The following NAA35 variants were observed in gnomAD, a reference collection of about 807,000 sequenced individuals.
NAA35 encodes MAK10 homolog, amino-acid N-acetyltransferase subunit.
NAA35 carries 18 observed loss-of-function variants against 101.7 expected under a neutral mutation model. The observed-to-expected ratio is 0.18, with a 90% confidence interval of 0.12 to 0.26. The LOEUF (loss-of-function observed/expected upper bound fraction) is 0.26, where lower values mean the gene tolerates loss of function less well. Among genes scored for constraint, NAA35 ranks in the 10% least tolerant of loss-of-function variants. The probability of loss-of-function intolerance (pLI) is 1.00; values close to 1 mark genes in which losing one functional copy is unlikely to be tolerated. For missense variants in NAA35, 601 were observed against 886.8 expected, an observed-to-expected ratio of 0.68 and a Z score of 4.09; for synonymous variants, 267 against 273.1, an observed-to-expected ratio of 0.98 and a Z score of 0.22.
chr9:86,010,567 G>T (rs927187444), intron 15 of NAA35, among the ~76,000 whole-genome samples: 2 of 136,866 alleles, frequency 1.5e-5, no homozygotes, highest in African/African-American at 2.9e-5. Flanking sequence ...TTTAACCTTA[G>T]AATTTTTTTT....
chr9:85,971,078 A>G (rs987680695), intron 6 of NAA35, among the ~76,000 whole-genome samples: 3 of 152,236 alleles, frequency 2.0e-5, no homozygotes, highest in African/African-American at 4.8e-5. Context: ...GCATGTAAAC[A>G]TGCTTTACAT....
chr9:86,016,033 ATC>A (rs1431206619), intron 17 of NAA35, among the ~76,000 whole-genome samples: 1 of 151,792 alleles, frequency 6.6e-6, no homozygotes, highest in African/African-American at 2.4e-5. Flanking sequence ...ATATATATAT[ATC>A]TCGTAGATTT....
chr9:85,950,681 C>G (rs1156791903), intron 2 of NAA35, among the ~76,000 whole-genome samples: 1 of 152,016 alleles, frequency 6.6e-6, no homozygotes, highest in East Asian at 1.9e-4. Flanking sequence ...TATTTGGTAC[C>G]CACATTTACC....
In NAA35 at chr9:85,997,677, T is replaced by C. The variant is rs1379729027; in HGVS notation, c.1056+1100T>C. 4.6e-5 allele frequency among the ~76,000 whole-genome samples: 7 copies of C among 152,160 alleles called. No individual in the cohort carries two copies. The East Asian group carries it at 1.4e-3, about 30-fold the overall frequency. On this transcript the variant is annotated intron_variant, in intron 12 of 22. Transcript: ENST00000361671. The stretch of plus-strand genomic sequence containing the variant: ...ATTTTTATTTATTGTGGAGACAAGG[T>C]CTCACCATGCTGGCCAGGCTGCTCT...
At chr9:85,977,763 G>A (rs1477295096) in intron 10 of NAA35, among the ~76,000 whole-genome samples, 1 of 152,138 alleles carries the variant, frequency 6.6e-6, no homozygotes. Flanking sequence ...ATAATTAACT[G>A]TTGGGTTTGT....
In NAA35 at chr9:85,941,988, G is replaced by T. The variant is rs577010036; in HGVS notation, c.-5-167G>T. ...AGGAGTGTTAATTGACGTGCGATTT[G>T]ATTGCATTAAGGTTATTCTTTGCAG... On this transcript the variant is annotated intron_variant, in intron 1 of 22. Coordinates refer to ENST00000361671, the MANE Select transcript of NAA35 (RefSeq NM_024635.4). 8.2e-5 allele frequency: 101 copies of T among 1,237,204 alleles called. 1 individual carries two copies. In the African/African-American group the frequency reaches 1.5e-3, roughly 18 times the overall value. 76.6% of individuals were successfully genotyped at this position (1,237,204 alleles called of 1,614,324 possible).
chr9:85,956,786 A>G (rs1345683548), intron 3 of NAA35, among the ~76,000 whole-genome samples: 1 of 152,220 alleles, frequency 6.6e-6, no homozygotes, highest in African/African-American at 2.4e-5. Flanking sequence ...TTGTAGCTGA[A>G]TACCTGAGAC....
chr9:86,001,012 T>C (rs1004438293), intron 12 of NAA35, among the ~76,000 whole-genome samples: 1 of 152,158 alleles, frequency 6.6e-6, no homozygotes, highest in African/African-American at 2.4e-5. Context: ...AACTTTTTGA[T>C]GTGGGCATTA....
Position 86,022,124 on chromosome 9 carries a change from G to T in NAA35, c.*164G>T, listed in dbSNP as rs985205987. The T allele has an allele frequency of 1.8e-6, 1 of 559,216 alleles. No homozygotes were observed. The highest frequency in any genetic ancestry group is 3.0e-5 in the East Asian group (1 of 33,214). The allele number at this position is 559,216 out of a possible 1,614,324, so 34.6% of individuals were successfully genotyped here. ...TTTGACAGCCTTATATGACATGAAT[G>T]AAAACTGCTGTTTTAAAGTGGTTTA... is the stretch of plus-strand genomic sequence containing the variant. On this transcript the variant is annotated 3_prime_UTR_variant, in exon 23 of 23. Transcript: ENST00000361671.
At chr9:86,015,571 G>T in intron 17 of NAA35, 2 of 281,672 alleles carry the variant, frequency 7.1e-6, no homozygotes, top group Non-Finnish European at 1.1e-5. Context: ...GGGTGAGACC[G>T]AATAATTTGC....
At chr9:85,976,385 C>T (rs1040898191) in intron 8 of NAA35, among the ~76,000 whole-genome samples, 1 of 152,050 alleles carries the variant, frequency 6.6e-6, no homozygotes, top group African/African-American at 2.4e-5. Flanking sequence ...ATTAATATCT[C>T]CTTTTAAAGG....
chr9:85,952,116 C>T (rs1829044590), intron 2 of NAA35, among the ~76,000 whole-genome samples: 1 of 152,120 alleles, frequency 6.6e-6, no homozygotes, highest in Non-Finnish European at 1.5e-5. Flanking sequence ...TGCTTGAAAG[C>T]TCAAATTTTA....
intron 2 of NAA35, among the ~76,000 whole-genome samples, chr9:85,953,150 C>T (rs910063606): frequency 1.3e-5 from 2 of 151,504 alleles, no homozygotes. Flanking sequence ...GAGGTCAAGG[C>T]TGCAATGAGC....
At chr9:85,993,669 C>A (rs976550802) in intron 11 of NAA35, among the ~76,000 whole-genome samples, 1 of 152,054 alleles carries the variant, frequency 6.6e-6, no homozygotes, top group African/African-American at 2.4e-5. Context: ...AATTGCGCCT[C>A]AATAAAATTA....
chr9:85,961,431 A>G (rs1829510601), intron 5 of NAA35, among the ~76,000 whole-genome samples: 1 of 152,246 alleles, frequency 6.6e-6, no homozygotes, highest in Non-Finnish European at 1.5e-5. Context: ...GAGACACAGT[A>G]CTTACCCAAT....
intron 4 of NAA35, among the ~76,000 whole-genome samples, chr9:85,959,336 A>G (rs183122692): frequency 8.5e-4 from 128 of 149,816 alleles, no homozygotes; most frequent in African/African-American, 2.3e-3. Flanking sequence ...AGATCACGCC[A>G]CCTGCACTCC....
At position 86,025,234 on chromosome 9, in the gene NAA35, G is replaced by A. The variant is rs976270266; in HGVS notation, c.*3274G>A. On this transcript the variant is annotated 3_prime_UTR_variant, in exon 23 of 23. Coordinates refer to ENST00000361671, the MANE Select transcript of NAA35 (RefSeq NM_024635.4). ...ATAAGCAGAATGAGGGCCATATGCCGCTCAGAGGCCATTAAGAGAAGGACT... is the reference window on the plus strand; with the variant it reads ...ATAAGCAGAATGAGGGCCATATGCCACTCAGAGGCCATTAAGAGAAGGACT... Among the ~76,000 whole-genome samples, 8 of 152,112 alleles carry A rather than the reference G, an allele frequency of 5.3e-5. No homozygotes were observed. The highest frequency in any genetic ancestry group is 1.9e-4 in the East Asian group (1 of 5,162).
intron 9 of NAA35, 28 bp downstream of exon 9, chr9:85,976,763 A>G (rs1471372708): frequency 2.7e-6 from 4 of 1,507,118 alleles, no homozygotes; most frequent in Non-Finnish European, 3.6e-6. Flanking sequence ...CTGGTAGATA[A>G]TATCAGAGAA....
rs78274568 is a variant in NAA35, at chr9:86,006,748, A to G, written c.1117-610A>G. On this transcript the variant is annotated intron_variant, in intron 13 of 22. Transcript: ENST00000361671. ...GATTGTGAGACTGATTTGAAAAACT[A>G]TGCTTTTGTTAGACTTATAACTGTA... 0.022 allele frequency among the ~76,000 whole-genome samples: 3,277 copies of G among 152,264 alleles called. 373 individuals carry two copies. The East Asian group carries it at 0.36, about 17-fold the overall frequency.
Sources: gnomAD v4.1 joint callset for allele counts (sites outside exome capture counted in the v4.1 genomes callset) on GRCh38, gnomAD v4.1.1 for gene constraint, MANE v1.5 for transcripts, NCBI Gene and HGNC (gene_info 2026-07-23, HGNC 2026-07-21) for gene names.